SNRNP70: variants seen among roughly 807,000 people sequenced by gnomAD.
The protein encoded by SNRNP70 is small nuclear ribonucleoprotein U1 subunit 70.
Under a neutral mutation model 50.5 loss-of-function variants are expected in SNRNP70, and 8 were observed. That is an observed-to-expected ratio of 0.16 (90% CI 0.09 to 0.29). SNRNP70 has a LOEUF of 0.29. Ranked by LOEUF, SNRNP70 falls within the 10% of genes least tolerant of loss-of-function variation. SNRNP70 has a pLI of 1.00. For missense variants in SNRNP70, 529 were observed against 663.5 expected (o/e 0.80, Z 2.23); for synonymous variants, 320 against 252.9 (o/e 1.27, Z -2.52).
chr19:49,093,391 T>G (rs2040472626), intron 4 of SNRNP70, among the ~76,000 whole-genome samples: 1 of 151,730 alleles, frequency 6.6e-6, no homozygotes, highest in Non-Finnish European at 1.5e-5. Context: ...CGGCCAGAAA[T>G]GCTTTTTAAA....
chr19:49,097,389 C>T (rs758112294), intron 4 of SNRNP70, among the ~76,000 whole-genome samples: 4 of 152,094 alleles, frequency 2.6e-5, no homozygotes, highest in Non-Finnish European at 4.4e-5. Context: ...GGCCATAGTA[C>T]GTGTTCAGTA....
At chr19:49,092,000 T>A (rs984487128) in intron 4 of SNRNP70, among the ~76,000 whole-genome samples, 4 of 152,226 alleles carry the variant, frequency 2.6e-5, no homozygotes, top group Non-Finnish European at 5.9e-5. Context: ...TTTCTAAATG[T>A]CACAAATCTG....
At chr19:49,105,154 CTT>C (rs2040649877) in intron 8 of SNRNP70, among the ~76,000 whole-genome samples, 1 of 152,240 alleles carries the variant, frequency 6.6e-6, no homozygotes, top group East Asian at 1.9e-4. Flanking sequence ...CTTGTTCACT[CTT>C]TTACTGATTC....
At chr19:49,102,079 G>A (rs1458224387) in intron 7 of SNRNP70, 20 of 1,154,402 alleles carry the variant, frequency 1.7e-5, no homozygotes, top group Non-Finnish European at 2.1e-5. Context: ...TCCAGGGGCC[G>A]CCGTATTAAT....
At chr19:49,093,644 A>T (rs926078672) in intron 4 of SNRNP70, among the ~76,000 whole-genome samples, 1 of 133,764 alleles carries the variant, frequency 7.5e-6, no homozygotes, top group African/African-American at 2.8e-5. Context: ...ACGCCATTGC[A>T]CTCCAGCCTG....
In SNRNP70 at chr19:49,108,399, C is replaced by A; in HGVS notation, c.1270C>A (p.Leu424Met). The stretch of plus-strand genomic sequence containing the variant: ...GGAGTCTGAGGGCGGCGACGGCTAC[C>A]TGGCTCCGGAGAATGGGTATTTGAT... ...YMESEGGDGYLAPENGYLMEA... is the reference protein window; with the variant it reads ...YMESEGGDGYMAPENGYLMEA... Residue 424 changes from leucine (L) to methionine (M), a missense_variant, in exon 10 of 10, where the codon CTG (leucine) becomes ATG (methionine). By Grantham distance (15) the Leu-to-Met change is conservative (BLOSUM62 2). Transcript: ENST00000598441. 1 of 1,611,104 alleles carries A rather than the reference C, an allele frequency of 6.2e-7. No homozygotes were observed. The highest frequency in any genetic ancestry group is 2.2e-5 in the East Asian group (1 of 44,698).
intron 4 of SNRNP70, among the ~76,000 whole-genome samples, chr19:49,092,215 T>A (rs1286436974): frequency 6.6e-6 from 1 of 152,044 alleles, no homozygotes; most frequent in Non-Finnish European, 1.5e-5. Flanking sequence ...TTCAAGTGAT[T>A]CTCCTGCTTC....
Position 49,107,788 on chromosome 19 carries a change from C to A in SNRNP70, c.666-7C>A, listed in dbSNP as rs991057474. Reference sequence around the variant, plus strand: ...CCCAGCCACACAGGTCTGCCCACCTCATCCAGGCCCGGCCCCTCCCCGCTT... The same window carrying A: ...CCCAGCCACACAGGTCTGCCCACCTAATCCAGGCCCGGCCCCTCCCCGCTT... On this transcript the variant is annotated splice_region_variant and splice_polypyrimidine_tract_variant and intron_variant, in intron 9 of 9. Coordinates refer to ENST00000598441, the MANE Select transcript of SNRNP70 (RefSeq NM_003089.6). The surrounding 1 kb of genome is among the most constrained non-coding windows in gnomAD (Gnocchi z 6.0). 1 of 1,608,940 alleles carries A rather than the reference C, an allele frequency of 6.2e-7. No homozygotes were observed. Among genetic ancestry groups the A allele is most frequent in the Non-Finnish European group, 8.5e-7 (1 of 1,178,182 alleles).
intron 6 of SNRNP70, among the ~76,000 whole-genome samples, chr19:49,100,995 G>A (rs921371356): frequency 3.3e-5 from 5 of 152,062 alleles, no homozygotes; most frequent in Admixed American, 6.5e-5. Flanking sequence ...TGATGACCCC[G>A]GGCCTGCCCA....
chr19:49,085,496 C>T lies in SNRNP70; in HGVS notation c.-151C>T, dbSNP rs1208701399. The T allele has an allele frequency of 2.2e-6, 1 of 453,144 alleles. No individual in the cohort carries two copies. The highest frequency in any genetic ancestry group is 2.0e-5 in the African/African-American group (1 of 49,930). The allele number at this position is 453,144 out of a possible 1,614,324, so 28.1% of individuals were successfully genotyped here. On this transcript the variant is annotated 5_prime_UTR_variant, in exon 1 of 10. Transcript: ENST00000598441. ...CGGGTGGCTGAGCAGCGGCCTGGTG[C>T]GCTCGCTTAGCGGGCGACGGAATCA... is the stretch of plus-strand genomic sequence containing the variant.
intron 7 of SNRNP70, chr19:49,103,135 G>T (rs1249200809): frequency 6.6e-6 from 1 of 152,648 alleles, no homozygotes; most frequent in Non-Finnish European, 1.5e-5. Flanking sequence ...CCTCGGAGGG[G>T]GTGGGCTGTG....
intron 7 of SNRNP70, 91 bp downstream of exon 7, chr19:49,101,562 C>A: frequency 1.2e-6 from 1 of 803,988 alleles, no homozygotes; most frequent in Non-Finnish European, 2.2e-6. Context: ...CCCCACCCTG[C>A]CACACCTGAC....
intron 2 of SNRNP70, among the ~76,000 whole-genome samples, chr19:49,088,787 A>C (rs979261539): frequency 9.2e-5 from 14 of 152,086 alleles, no homozygotes; most frequent in African/African-American, 2.9e-4. Flanking sequence ...GAGCCACTGC[A>C]CCCTACCAGC....
In SNRNP70 at chr19:49,107,892, C is replaced by A; in HGVS notation, c.763C>A (p.Arg255=). ...GGAGCGAGACAAGGAGCGAGAACGG[C>A]GACGCTCCCGCTCCCGGGACCGGCG... ...SRERDKERER[R]RSRSRDRRRR... is the part of the protein sequence containing the mutation. Residue 255 remains arginine, a synonymous_variant, in exon 10 of 10, where the codon CGA becomes AGA. Transcript: ENST00000598441. The surrounding 1 kb of genome is among the most constrained non-coding windows in gnomAD (Gnocchi z 6.0). The A allele has an allele frequency of 6.5e-7, 1 of 1,549,018 alleles. No homozygotes were observed. The highest frequency in any genetic ancestry group is 8.7e-7 in the Non-Finnish European group (1 of 1,147,354).
rs539521740 is a variant in SNRNP70 at position 49,087,276 on chromosome 19, A to C, written c.147+715A>C. Among the ~76,000 whole-genome samples the C allele has an allele frequency of 1.4e-4, 21 of 151,380 alleles. No individual in the cohort carries two copies. The South Asian group carries it at 4.2e-3, about 30-fold the overall frequency. ...GTGGTTGAGGATTCATGCCTAACCCACACCATTTATCAGCTCTGACTTTGG... is the reference window on the plus strand; with the variant it reads ...GTGGTTGAGGATTCATGCCTAACCCCCACCATTTATCAGCTCTGACTTTGG... On this transcript the variant is annotated intron_variant, in intron 2 of 9. Coordinates refer to ENST00000598441, the MANE Select transcript of SNRNP70 (RefSeq NM_003089.6).
At chr19:49,098,365 T>C in intron 4 of SNRNP70, 62 bp from the exon 5 acceptor site, 1 of 1,349,524 alleles carries the variant, frequency 7.4e-7, no homozygotes, top group Non-Finnish European at 1.0e-6. Flanking sequence ...CCCATCGTAT[T>C]TGTTTTGCTA....
chr19:49,099,686 C>G (rs1001570725), intron 6 of SNRNP70, among the ~76,000 whole-genome samples: 57 of 150,802 alleles, frequency 3.8e-4, no homozygotes, highest in Non-Finnish European at 1.5e-4. Context: ...TTGCAGTGAG[C>G]CGAGATCACA....
intron 4 of SNRNP70, among the ~76,000 whole-genome samples, chr19:49,091,167 G>A (rs1189299809): frequency 6.6e-6 from 1 of 151,946 alleles, no homozygotes; most frequent in Non-Finnish European, 1.5e-5. Context: ...TCAGGAGTTC[G>A]AGACCAGCCT....
chr19:49,095,411 G>T (rs2040500550), intron 4 of SNRNP70, among the ~76,000 whole-genome samples: 2 of 152,184 alleles, frequency 1.3e-5, no homozygotes, highest in Admixed American at 1.3e-4. Flanking sequence ...TTAGCATCTT[G>T]TGAGGCTTTT....
Sources: allele counts gnomAD v4.1 joint callset (sites outside exome capture counted in the v4.1 genomes callset), GRCh38; gene constraint gnomAD v4.1.1; non-coding constraint Gnocchi (gnomAD v3.1); transcripts MANE v1.5; gene names NCBI Gene and HGNC (gene_info 2026-07-23, HGNC 2026-07-21).